Variants in PAN3 observed in about 807,000 individuals in gnomAD.
PAN3 encodes PAN2-PAN3 deadenylation complex subunit PAN3.
In PAN3, 19 loss-of-function variants were observed where a neutral mutation model predicts 96.2. The ratio of observed to expected loss-of-function variants is 0.20; its 90% CI spans 0.14 to 0.29. The LOEUF (loss-of-function observed/expected upper bound fraction) is 0.29. PAN3 is among the 10% of genes least tolerant of loss of function. PAN3 has a pLI of 1.00. For missense variants in PAN3, 882 were observed against 1,108.1 expected (o/e 0.80, Z 2.90); for synonymous variants, 433 against 406.6 (o/e 1.06, Z -0.78).
chr13:28,273,755 T>C (rs780462449), intron 14 of PAN3, among the ~76,000 whole-genome samples: 8 of 152,208 alleles, frequency 5.3e-5, no homozygotes, highest in Non-Finnish European at 1.2e-4. Flanking sequence ...ATAAGAAGTT[T>C]TTGGGTTTTT....
chr13:28,157,245 G>T (rs557774781), intron 1 of PAN3, among the ~76,000 whole-genome samples: 1 of 152,228 alleles, frequency 6.6e-6, no homozygotes, highest in Non-Finnish European at 1.5e-5. Flanking sequence ...TGAGAGCCAT[G>T]TATGACAAAC....
At chr13:28,243,639 G>C (rs898031887) in intron 6 of PAN3, among the ~76,000 whole-genome samples, 1 of 152,000 alleles carries the variant, frequency 6.6e-6, no homozygotes, top group Admixed American at 6.6e-5. Context: ...AATCTGAGAA[G>C]AGGCTAACAG....
In PAN3 at chr13:28,294,637, C is replaced by T. The variant is rs1234925616; in HGVS notation, c.*2115C>T. On this transcript the variant is annotated 3_prime_UTR_variant, in exon 19 of 19. Coordinates refer to ENST00000380958, the MANE Select transcript of PAN3 (RefSeq NM_175854.8). Reference sequence around the variant, plus strand: ...GAATTTCTCATTCTGTATAGACCAGCAAACTTCCCTGTGCAAGGCAAGTTT... The same window carrying T: ...GAATTTCTCATTCTGTATAGACCAGTAAACTTCCCTGTGCAAGGCAAGTTT... 2.0e-5 allele frequency: 3 copies of T among 152,568 alleles called. No homozygotes were observed. The highest frequency in any genetic ancestry group is 7.2e-5 in the African/African-American group (3 of 41,422). 9.5% of individuals were successfully genotyped at this position (152,568 alleles called of 1,614,324 possible).
At chr13:28,248,045 A>G (rs1884371819) in intron 6 of PAN3, among the ~76,000 whole-genome samples, 1 of 152,146 alleles carries the variant, frequency 6.6e-6, no homozygotes, top group Non-Finnish European at 1.5e-5. Context: ...CTTCCAATTC[A>G]TGAGCATGGG....
chr13:28,276,825 TAGCAA>T (rs1432509530), intron 14 of PAN3, among the ~76,000 whole-genome samples: 1 of 152,212 alleles, frequency 6.6e-6, no homozygotes, highest in Non-Finnish European at 1.5e-5. Flanking sequence ...ATAGTGGTCA[TAGCAA>T]AGCAAATGTA....
chr13:28,144,722 T>C (rs1051407388), intron 1 of PAN3, among the ~76,000 whole-genome samples: 2 of 130,332 alleles, frequency 1.5e-5, no homozygotes, highest in Non-Finnish European at 3.6e-5. Context: ...CATCATCTTT[T>C]TTTTTTTTTT....
chr13:28,290,411 G>C (rs1200739156), intron 18 of PAN3, among the ~76,000 whole-genome samples: 2 of 152,140 alleles, frequency 1.3e-5, no homozygotes. Context: ...GCCAGGCTCG[G>C]TGTCTCACGC....
chr13:28,205,473 A>G (rs1173114515), intron 5 of PAN3, among the ~76,000 whole-genome samples: 2 of 152,134 alleles, frequency 1.3e-5, no homozygotes, highest in Admixed American at 1.3e-4. Flanking sequence ...TCTTCATGGA[A>G]GGGAGAAAAA....
chr13:28,197,110 T>C, intron 4 of PAN3, 75 bp from the exon 5 acceptor site: 2 of 1,492,804 alleles, frequency 1.3e-6, no homozygotes, highest in East Asian at 4.7e-5. Flanking sequence ...GTATCCTGTA[T>C]ATGTTAGTTA....
At chr13:28,277,492 CTT>C in intron 15 of PAN3, 116 bp downstream of exon 15, 1 of 975,954 alleles carries the variant, frequency 1.0e-6, no homozygotes, top group Non-Finnish European at 1.5e-6. Context: ...AAAACAGAAA[CTT>C]TATGTCTTTA....
rs1593405040 is a variant in PAN3, at chr13:28,171,911, C to T, written c.431-2361C>T. 3.3e-5 allele frequency among the ~76,000 whole-genome samples: 5 copies of T among 152,252 alleles called. 1 individual carries two copies. The South Asian group carries it at 1.0e-3, about 32-fold the overall frequency. ...TCCCATCTAGGTACCTAACAAAAGT[C>T]ACCTCATTAGAACAAACGCTACTCC... is the stretch of plus-strand genomic sequence containing the variant. On this transcript the variant is annotated intron_variant, in intron 1 of 18. Transcript: ENST00000380958.
chr13:28,272,038 T>C lies in PAN3; in HGVS notation c.2016T>C (p.Asn672=). 6.3e-7 allele frequency: 1 copy of C among 1,592,446 alleles called. No homozygotes were observed. Among genetic ancestry groups the C allele is most frequent in the East Asian group, 2.3e-5 (1 of 44,382 alleles). The stretch of plus-strand genomic sequence containing the variant: ...TTTTAACATTTGATAACAGTCAAAA[T>C]AATAATCCATTGGCATTAATGGCCC... ...FDVLTFDNSQ[N]NNPLALMAQY... The change falls in exon 14 of 19, where the codon AAT becomes AAC. Residue 672 remains asparagine, a synonymous_variant. Coordinates refer to ENST00000380958, the MANE Select transcript of PAN3 (RefSeq NM_175854.8).
chr13:28,174,203 C>T, intron 1 of PAN3, 69 bp from the exon 2 acceptor site: 3 of 1,474,216 alleles, frequency 2.0e-6, no homozygotes, highest in Non-Finnish European at 2.8e-6. Context: ...TATTTAGGAA[C>T]ACAGAAGTGA....
chr13:28,216,238 A>G (rs1880749273), intron 5 of PAN3, among the ~76,000 whole-genome samples: 1 of 151,328 alleles, frequency 6.6e-6, no homozygotes, highest in Admixed American at 6.6e-5. Context: ...ATATATGTGT[A>G]TGACCCATTT....
chr13:28,249,364 G>A (rs553012166), intron 6 of PAN3, among the ~76,000 whole-genome samples: 10 of 152,242 alleles, frequency 6.6e-5, no homozygotes, highest in African/African-American at 1.9e-4. Context: ...GTTTCACGTG[G>A]TCACCACTAG....
chr13:28,256,619 T>A, intron 7 of PAN3, 80 bp downstream of exon 7: 1 of 1,399,206 alleles, frequency 7.1e-7, no homozygotes, highest in Admixed American at 2.4e-5. Context: ...TACCCCCTCC[T>A]GCAGCTTTTT....
chr13:28,196,390 C>G (rs561677944), intron 4 of PAN3, among the ~76,000 whole-genome samples: 66 of 152,188 alleles, frequency 4.3e-4, no homozygotes, highest in African/African-American at 1.5e-3. Context: ...GAAACAAGCA[C>G]TAATTTTCAT....
intron 1 of PAN3, among the ~76,000 whole-genome samples, chr13:28,140,673 T>C (rs1869632921): frequency 6.7e-6 from 1 of 150,172 alleles, no homozygotes; most frequent in Admixed American, 6.6e-5. Context: ...TGAGGCACCA[T>C]GCTGGGCCAA....
At chr13:28,216,977 G>A (rs1037717569) in intron 5 of PAN3, among the ~76,000 whole-genome samples, 4 of 151,822 alleles carry the variant, frequency 2.6e-5, no homozygotes, top group East Asian at 1.9e-4. Flanking sequence ...AGCCGGGTGC[G>A]GTGGCGGGCG....
Sources: allele counts gnomAD v4.1 joint callset (sites outside exome capture counted in the v4.1 genomes callset), GRCh38; gene constraint gnomAD v4.1.1; transcripts MANE v1.5; gene names NCBI Gene and HGNC (gene_info 2026-07-23, HGNC 2026-07-21).